Variants in PPARG observed in about 807,000 individuals in gnomAD.
PPARG encodes the protein peroxisome proliferator-activated receptor gamma.
Under a neutral mutation model 39.2 loss-of-function variants are expected in PPARG, and 17 were observed. That is an observed-to-expected ratio of 0.43 (90% CI 0.30 to 0.65). The LOEUF is 0.65. Among genes scored for constraint, PPARG ranks in the 30% least tolerant of loss-of-function variants. PPARG has a pLI of 0.13. For missense variants in PPARG, 406 were observed against 585.9 expected (o/e 0.69, Z 3.17); for synonymous variants, 223 against 215.7 (o/e 1.03, Z -0.30).
intron 5 of PPARG, among the ~76,000 whole-genome samples, chr3:12,403,094 A>T (rs2125245360): frequency 6.6e-6 from 1 of 152,056 alleles, no homozygotes; most frequent in African/African-American, 2.4e-5. Context: ...GGAGTTCGAG[A>T]CCAGCCTGGG....
intron 6 of PPARG, among the ~76,000 whole-genome samples, chr3:12,409,484 G>A (rs2050798132): frequency 6.6e-6 from 1 of 152,034 alleles, no homozygotes. Context: ...ACATGGTCAT[G>A]TTACTCATTT....
intron 2 of PPARG, among the ~76,000 whole-genome samples, chr3:12,376,086 A>T (rs2049396486): frequency 6.6e-6 from 1 of 151,844 alleles, no homozygotes; most frequent in Non-Finnish European, 1.5e-5. Context: ...AGTAGCTGGG[A>T]TCACAGGCAT....
chr3:12,317,707 T>C (rs2047426537), intron 2 of PPARG, among the ~76,000 whole-genome samples: 1 of 152,226 alleles, frequency 6.6e-6, no homozygotes. Flanking sequence ...AGAGAGGAAT[T>C]TCTTTGTTAA....
chr3:12,321,887 A>T (rs2047556610), intron 2 of PPARG, among the ~76,000 whole-genome samples: 1 of 152,192 alleles, frequency 6.6e-6, no homozygotes, highest in African/African-American at 2.4e-5. Context: ...TGCTTAATAC[A>T]ATTCCTACCA....
chr3:12,386,163 A>G (rs1575095398), intron 4 of PPARG, among the ~76,000 whole-genome samples: 1 of 152,138 alleles, frequency 6.6e-6, no homozygotes, highest in Non-Finnish European at 1.5e-5. Context: ...GTGTTTCTTC[A>G]TCAGTAATAT....
intron 5 of PPARG, among the ~76,000 whole-genome samples, chr3:12,405,296 C>G (rs959198150): frequency 6.6e-6 from 1 of 152,124 alleles, no homozygotes; most frequent in Non-Finnish European, 1.5e-5. Flanking sequence ...TCTGGAGAGT[C>G]GGGAGATAAC....
At chr3:12,334,568 C>A (rs567235435) in intron 2 of PPARG, among the ~76,000 whole-genome samples, 17 of 152,106 alleles carry the variant, frequency 1.1e-4, no homozygotes, top group African/African-American at 3.9e-4. Context: ...GAGTTTACTC[C>A]CTGGTTGAAT....
intron 1 of PPARG, among the ~76,000 whole-genome samples, chr3:12,299,032 C>T (rs1459845790): frequency 2.0e-5 from 3 of 152,110 alleles, no homozygotes; most frequent in East Asian, 1.9e-4. Context: ...AACAGGGGTT[C>T]GCCGTATTGC....
At chr3:12,351,773 A>G (rs1379886008) in intron 2 of PPARG, 2 of 918,194 alleles carry the variant, frequency 2.2e-6, no homozygotes, top group East Asian at 2.4e-5. Flanking sequence ...GTTTGTTTTA[A>G]TACTATCATG....
Position 12,410,364 on chromosome 3 carries a change from C to T in PPARG, c.729+4283C>T, listed in dbSNP as rs142671093. Among the ~76,000 whole-genome samples the T allele has an allele frequency of 2.1e-4, 32 of 152,218 alleles. No individual in the cohort carries two copies. In the East Asian group the frequency reaches 5.0e-3, roughly 24 times the overall value. The stretch of plus-strand genomic sequence containing the variant: ...ACCCTGGTGCGATGATCACACTGGG[C>T]GTATCATTGTCACATGATCCCATGT... On this transcript the variant is annotated intron_variant, in intron 6 of 7. Coordinates refer to ENST00000651735, the MANE Select transcript of PPARG (RefSeq NM_138711.6).
chr3:12,298,518 A>G (rs982723991), intron 1 of PPARG, among the ~76,000 whole-genome samples: 1 of 152,042 alleles, frequency 6.6e-6, no homozygotes, highest in Non-Finnish European at 1.5e-5. Flanking sequence ...TGCCTTTGAC[A>G]GCGGTTACAG....
intron 2 of PPARG, among the ~76,000 whole-genome samples, chr3:12,341,950 C>A (rs1163274417): frequency 1.3e-5 from 2 of 152,134 alleles, no homozygotes; most frequent in Non-Finnish European, 2.9e-5. Flanking sequence ...TGAAACTGAA[C>A]ATCCTTGTAA....
chr3:12,335,771 A>G (rs2047995894), intron 2 of PPARG, among the ~76,000 whole-genome samples: 1 of 152,220 alleles, frequency 6.6e-6, no homozygotes, highest in Non-Finnish European at 1.5e-5. Context: ...CAGATTTCCA[A>G]TAAAAGTATT....
In PPARG at chr3:12,400,557, A is replaced by T. The variant is rs563644865; in HGVS notation, c.530-5325A>T. ...GAGCCTACCAGCTCTGATATGGATA[A>T]TTTTTTTTACCAAGATACCAGATTT... On this transcript the variant is annotated intron_variant, in intron 5 of 7. Transcript: ENST00000651735. Among the ~76,000 whole-genome samples, 8 of 152,214 alleles carry T rather than the reference A, an allele frequency of 5.3e-5. No individual in the cohort carries two copies. The East Asian group carries it at 1.5e-3, about 29-fold the overall frequency.
At chr3:12,371,393 C>G (rs1209433790) in intron 2 of PPARG, among the ~76,000 whole-genome samples, 2 of 152,130 alleles carry the variant, frequency 1.3e-5, no homozygotes, top group African/African-American at 4.8e-5. Context: ...AAAAACAAAC[C>G]AAGATAATGC....
chr3:12,333,804 G>A (rs1291901706), intron 2 of PPARG, among the ~76,000 whole-genome samples: 1 of 152,170 alleles, frequency 6.6e-6, no homozygotes, highest in Non-Finnish European at 1.5e-5. Context: ...GTTCTGTTGA[G>A]TGACGCAGAT....
intron 2 of PPARG, among the ~76,000 whole-genome samples, chr3:12,344,095 A>G (rs1475821597): frequency 1.3e-5 from 2 of 151,874 alleles, no homozygotes; most frequent in East Asian, 3.9e-4. Context: ...TCCTGACCTC[A>G]GGTGATCCAC....
At chr3:12,316,029 C>G (rs2047378988) in intron 2 of PPARG, among the ~76,000 whole-genome samples, 1 of 152,124 alleles carries the variant, frequency 6.6e-6, no homozygotes, top group Non-Finnish European at 1.5e-5. Context: ...GGCAAAATGT[C>G]TGGGAATTCA....
At chr3:12,287,739 T>C (rs1197022584), upstream of PPARG, 2 of 149,714 alleles carry the variant, frequency 1.3e-5, no homozygotes, top group East Asian at 4.0e-4. Context: ...TGGGCCCTAC[T>C]GTGCGCGGGC....
Sources: allele counts gnomAD v4.1 joint callset (sites outside exome capture counted in the v4.1 genomes callset), GRCh38; gene constraint gnomAD v4.1.1; transcripts MANE v1.5; gene names NCBI Gene and HGNC (gene_info 2026-07-23, HGNC 2026-07-21).